Variants in DYNC2LI1 observed in about 807,000 individuals in gnomAD.
The protein encoded by DYNC2LI1 is cytoplasmic dynein 2 light intermediate chain 1.
In DYNC2LI1, 45 loss-of-function variants were observed where a neutral mutation model predicts 51.9. The observed-to-expected ratio is 0.87, with a 90% CI of 0.68 to 1.11. The LOEUF is 1.11. Among genes scored for constraint, DYNC2LI1 ranks in the 50% most tolerant of loss-of-function variants. The probability of loss-of-function intolerance (pLI) is 0.00; values close to 1 mark genes in which losing one functional copy is unlikely to be tolerated. For missense variants in DYNC2LI1, 490 were observed against 417.4 expected, an observed-to-expected ratio of 1.17 and a Z score of -1.51; for synonymous variants, 130 against 137.8, an observed-to-expected ratio of 0.94 and a Z score of 0.40.
the DYNC2LI1 span, chr2:43,826,249 C>T: frequency 7.3e-7 from 1 of 1,379,210 alleles, no homozygotes; most frequent in Non-Finnish European, 1.0e-6. Context: ...CTCCTCCTGC[C>T]TCAGCCTCCC....
At chr2:43,824,129 AC>A in the DYNC2LI1 span, 1 of 1,614,184 alleles carries the variant, frequency 6.2e-7, no homozygotes, top group Non-Finnish European at 8.5e-7. Context: ...CTGAAAACAA[AC>A]AACCCTGTTT....
chr2:43,795,601 G>T (rs1234402298), intron 6 of DYNC2LI1, among the ~76,000 whole-genome samples: 1 of 151,130 alleles, frequency 6.6e-6, no homozygotes, highest in Admixed American at 6.6e-5. Flanking sequence ...ACATAAAATA[G>T]AATAAAAAAA....
chr2:43,823,124 C>CT, the DYNC2LI1 span, among the ~76,000 whole-genome samples: 1 of 152,208 alleles, frequency 6.6e-6, no homozygotes, highest in African/African-American at 2.4e-5. Context: ...AATCTACACT[C>CT]TACCAGAATT....
At chr2:43,806,615 T>G (rs78451356) in intron 12 of DYNC2LI1, among the ~76,000 whole-genome samples, 26,720 of 152,220 alleles carry the variant, frequency 0.18, 2,502 homozygotes, top group Middle Eastern at 0.24. Flanking sequence ...AATATTTATC[T>G]AGGAGTCAAT....
chr2:43,820,129 T>A, the DYNC2LI1 span: 1 of 1,605,190 alleles, frequency 6.2e-7, no homozygotes, highest in Non-Finnish European at 8.5e-7. Flanking sequence ...TTTAGTTTCC[T>A]CTCCAAGGGC....
intron 9 of DYNC2LI1, among the ~76,000 whole-genome samples, 158 bp downstream of exon 9, chr2:43,801,075 TTTTA>T (rs1483280565): frequency 6.7e-6 from 1 of 148,566 alleles, no homozygotes; most frequent in Admixed American, 6.7e-5. Flanking sequence ...ATTATTATTA[TTTTA>T]TTTATTTTAT....
intron 5 of DYNC2LI1, 58 bp downstream of exon 5, chr2:43,789,779 T>TA: frequency 2.0e-6 from 3 of 1,481,764 alleles, no homozygotes; most frequent in Non-Finnish European, 2.8e-6. Flanking sequence ...CTAGGAGGAA[T>TA]ATGAGTTGGC....
downstream of DYNC2LI1, chr2:43,810,122 C>T (rs993777401): frequency 7.9e-6 from 3 of 380,084 alleles, no homozygotes; most frequent in Admixed American, 1.9e-4. Flanking sequence ...AGGTTAAGTG[C>T]CCACGTTAGA....
the DYNC2LI1 span, chr2:43,823,908 C>CT: frequency 4.3e-6 from 7 of 1,613,860 alleles, no homozygotes; most frequent in Non-Finnish European, 5.9e-6. Context: ...CACGTGGGCA[C>CT]TTACACAGAT....
downstream of DYNC2LI1, chr2:43,812,802 G>T: frequency 3.1e-6 from 1 of 320,916 alleles, no homozygotes; most frequent in Non-Finnish European, 5.8e-6. Context: ...TTTTTTCTGT[G>T]CCTAGAACAA....
At chr2:43,828,241 C>A in the DYNC2LI1 span, 2 of 1,277,746 alleles carry the variant, frequency 1.6e-6, no homozygotes, top group Non-Finnish European at 2.2e-6. Flanking sequence ...TCCAGACTCA[C>A]CACACCCTGG....
chr2:43,822,692 T>A, the DYNC2LI1 span: 2 of 1,579,750 alleles, frequency 1.3e-6, no homozygotes, highest in Non-Finnish European at 1.7e-6. Context: ...AAAGTGTAGA[T>A]CCTCCAGAGC....
intron 2 of DYNC2LI1, among the ~76,000 whole-genome samples, chr2:43,782,834 T>C (rs1424532420): frequency 6.6e-6 from 1 of 151,970 alleles, no homozygotes; most frequent in African/African-American, 2.4e-5. Flanking sequence ...ATACAAAAAT[T>C]ACCCAGGCAT....
chr2:43,822,599 G>A, the DYNC2LI1 span: 938 of 985,196 alleles, frequency 9.5e-4, 8 homozygotes, highest in African/African-American at 0.013. Context: ...TTTGTTCTCA[G>A]GTCTCCTGCA....
intron 5 of DYNC2LI1, among the ~76,000 whole-genome samples, chr2:43,790,193 C>G (rs573167767): frequency 6.6e-5 from 10 of 152,276 alleles, no homozygotes; most frequent in African/African-American, 2.2e-4. Flanking sequence ...GAGAAAGTCT[C>G]TCCGTTTGCT....
the DYNC2LI1 span, among the ~76,000 whole-genome samples, chr2:43,826,689 C>T: frequency 2.0e-5 from 3 of 152,194 alleles, no homozygotes; most frequent in Non-Finnish European, 2.9e-5. Context: ...GGAGAAAGGA[C>T]CTGATGTGGA....
downstream of DYNC2LI1, among the ~76,000 whole-genome samples, chr2:43,814,901 A>G (rs143046291): frequency 6.6e-6 from 1 of 152,324 alleles, no homozygotes; most frequent in Non-Finnish European, 1.5e-5. Flanking sequence ...CATATGTCTC[A>G]GACATCCTTC....
chr2:43,781,262 C>T (rs958449388), intron 2 of DYNC2LI1, among the ~76,000 whole-genome samples: 2 of 151,456 alleles, frequency 1.3e-5, no homozygotes, highest in African/African-American at 2.4e-5. Flanking sequence ...CCAGCTACTC[C>T]GGAGGCTGAG....
the DYNC2LI1 span, chr2:43,827,980 T>A: frequency 6.2e-7 from 1 of 1,613,888 alleles, no homozygotes; most frequent in Non-Finnish European, 8.5e-7. Flanking sequence ...GGGTGCCACT[T>A]ACTAGGATCC....
Sources: gnomAD v4.1 joint callset for allele counts (sites outside exome capture counted in the v4.1 genomes callset) on GRCh38, gnomAD v4.1.1 for gene constraint, MANE v1.5 for transcripts, NCBI Gene and HGNC (gene_info 2026-07-23, HGNC 2026-07-21) for gene names.